The following LUC7L2 variants were observed in gnomAD, a reference collection of about 807,000 sequenced individuals.
LUC7L2 encodes putative RNA-binding protein Luc7-like 2.
In LUC7L2, 25 loss-of-function variants were observed where a neutral mutation model predicts 52.8. The ratio of observed to expected loss-of-function variants is 0.47; its 90% CI spans 0.34 to 0.66. The LOEUF (loss-of-function observed/expected upper bound fraction) is 0.66. LUC7L2 is among the 30% of genes least tolerant of loss of function. The probability of loss-of-function intolerance (pLI) is 0.01; values close to 1 mark genes in which losing one functional copy is unlikely to be tolerated. For missense variants in LUC7L2, 328 were observed against 497.8 expected (o/e 0.66, Z 3.25); for synonymous variants, 144 against 160.9 (o/e 0.89, Z 0.80).
At chr7:139,350,287 A>G (rs1249680618) in intron 1 of LUC7L2, among the ~76,000 whole-genome samples, 1 of 151,868 alleles carries the variant, frequency 6.6e-6, no homozygotes, top group Non-Finnish European at 1.5e-5. Flanking sequence ...ACGCCCGGCT[A>G]ATTTTTTGTA....
intron 9 of LUC7L2, among the ~76,000 whole-genome samples, chr7:139,420,412 G>A (rs1180507969): frequency 6.6e-6 from 1 of 152,150 alleles, no homozygotes; most frequent in Non-Finnish European, 1.5e-5. Context: ...CATGTTGGCC[G>A]GGCTGGTCTC....
At chr7:139,348,722 A>G (rs1354904418) in intron 1 of LUC7L2, among the ~76,000 whole-genome samples, 1 of 152,138 alleles carries the variant, frequency 6.6e-6, no homozygotes, top group African/African-American at 2.4e-5. Context: ...CGTCTCAAAA[A>G]AAAAAAATAT....
intron 2 of LUC7L2, among the ~76,000 whole-genome samples, chr7:139,394,341 AC>A (rs1794572423): frequency 6.6e-6 from 1 of 152,108 alleles, no homozygotes; most frequent in Non-Finnish European, 1.5e-5. Context: ...AGTTAATCTT[AC>A]CCCTCTCATG....
chr7:139,341,272 G>C lies in LUC7L2; in HGVS notation c.-26+755G>C, dbSNP rs1372512215. On this transcript the variant is annotated intron_variant, in intron 1 of 10. Transcript: ENST00000541170. ...TGAGCGGTTCCACTGCTCGTCAGTCGATAGGGGGAGTCGGTAGTCTGTCCG... is the reference window on the plus strand; with the variant it reads ...TGAGCGGTTCCACTGCTCGTCAGTCCATAGGGGGAGTCGGTAGTCTGTCCG... 2.0e-6 allele frequency: 3 copies of C among 1,483,450 alleles called. No homozygotes were observed. In the African/African-American group the frequency reaches 4.2e-5, roughly 21 times the overall value. The allele number at this position is 1,483,450 out of a possible 1,614,324, so 91.9% of individuals were successfully genotyped here. A position where few individuals can be genotyped will look rare whatever the true frequency, so the allele number is the denominator to read the frequency against.
chr7:139,417,807 T>A, intron 9 of LUC7L2, 78 bp downstream of exon 9: 1 of 1,506,040 alleles, frequency 6.6e-7, no homozygotes, highest in South Asian at 1.3e-5. Flanking sequence ...GTTACTTATG[T>A]TTAGAGTTCA....
rs1795954876 is a variant in LUC7L2 at position 139,422,701 on chromosome 7, A to G, written c.*361A>G. The G allele has an allele frequency of 1.2e-5, 5 of 407,446 alleles. No individual in the cohort carries two copies. The East Asian group carries it at 1.8e-4, about 14-fold the overall frequency. 25.2% of individuals were successfully genotyped at this position (407,446 alleles called of 1,614,324 possible). On this transcript the variant is annotated 3_prime_UTR_variant, in exon 10 of 10. Transcript: ENST00000354926. ...AGTCCAAACAGCTGCAGCTTTGGGC[A>G]TTTTTCTTTTTAATTATTCTTCCTC...
rs1158441170 is a variant in LUC7L2, at chr7:139,345,912, A to T, written c.-26+5395A>T. The T allele has an allele frequency of 1.2e-5, 6 of 500,628 alleles. No homozygotes were observed. In the South Asian group the frequency reaches 1.5e-4, roughly 13 times the overall value. 31.0% of individuals were successfully genotyped at this position (500,628 alleles called of 1,614,324 possible). ...CTAGACTGATGTTGTTTTTCTACTT[A>T]AAAAAATTTTTTTATATTTTATTTT... On this transcript the variant is annotated intron_variant, in intron 1 of 10. Coordinates refer to the LUC7L2 transcript ENST00000541170.
At chr7:139,341,569 A>G (rs1198680189) in intron 1 of LUC7L2, 9 of 1,595,308 alleles carry the variant, frequency 5.6e-6, no homozygotes, top group Non-Finnish European at 7.7e-6. Context: ...GGAGGGAGGA[A>G]GAGCCGGGTC....
intron 1 of LUC7L2, among the ~76,000 whole-genome samples, chr7:139,362,039 G>A (rs1324807742): frequency 6.6e-6 from 1 of 151,950 alleles, no homozygotes; most frequent in Non-Finnish European, 1.5e-5. Flanking sequence ...ATTTCTGTGT[G>A]TGTAGTCAGC....
At chr7:139,419,851 T>G (rs1387584758) in intron 9 of LUC7L2, among the ~76,000 whole-genome samples, 1 of 152,260 alleles carries the variant, frequency 6.6e-6, no homozygotes, top group African/African-American at 2.4e-5. Flanking sequence ...CATCTTTGAA[T>G]TCAAATTATT....
At chr7:139,389,743 CTG>C (rs949869600) in intron 2 of LUC7L2, among the ~76,000 whole-genome samples, 25 of 152,262 alleles carry the variant, frequency 1.6e-4, no homozygotes, top group African/African-American at 4.8e-4. Context: ...ATGTGGTGGA[CTG>C]TGTTATCTGA....
Position 139,422,550 on chromosome 7 carries a change from G to A in LUC7L2, c.*210G>A. On this transcript the variant is annotated 3_prime_UTR_variant, in exon 10 of 10. Coordinates refer to ENST00000354926, the MANE Select transcript of LUC7L2 (RefSeq NM_016019.5). ...TAGTTTCTGGTGAACCTGTAATACA[G>A]TTCTGAAAGTACAGTTTTATATAAT... 1 of 1,013,916 alleles carries A rather than the reference G, an allele frequency of 9.9e-7. No individual in the cohort carries two copies. The highest frequency in any genetic ancestry group is 3.8e-5 in the Admixed American group (1 of 26,184). The allele number at this position is 1,013,916 out of a possible 1,614,324, so 62.8% of individuals were successfully genotyped here.
At chr7:139,383,499 C>T (rs1801150654) in intron 2 of LUC7L2, among the ~76,000 whole-genome samples, 4 of 152,060 alleles carry the variant, frequency 2.6e-5, no homozygotes, top group African/African-American at 9.7e-5. Context: ...TCAACCTCTG[C>T]CTCCCGGGCT....
intron 2 of LUC7L2, among the ~76,000 whole-genome samples, chr7:139,381,048 C>T (rs754423985): frequency 6.6e-6 from 1 of 152,048 alleles, no homozygotes; most frequent in Non-Finnish European, 1.5e-5. Flanking sequence ...CTCATCATAG[C>T]GTAACTTTAC....
rs543981255 is a variant in LUC7L2 at position 139,395,504 on chromosome 7, A to G, written c.157-3095A>G. On this transcript the variant is annotated intron_variant, in intron 2 of 9. Transcript: ENST00000354926. The stretch of plus-strand genomic sequence containing the variant: ...GTACAGTACTTTAATACCATTAAGC[A>G]TGATGAGGACTTTTATAACAGTGAT... Among the ~76,000 whole-genome samples, 3 of 152,356 alleles carry G rather than the reference A, an allele frequency of 2.0e-5. No homozygotes were observed. The East Asian group carries it at 5.8e-4, about 29-fold the overall frequency.
chr7:139,394,941 G>A (rs1420329928), intron 2 of LUC7L2, among the ~76,000 whole-genome samples: 4 of 152,180 alleles, frequency 2.6e-5, no homozygotes, highest in Admixed American at 6.5e-5. Context: ...TACCTGGGGG[G>A]CTTTTACAAT....
intron 1 of LUC7L2, chr7:139,345,457 T>C: frequency 1.2e-6 from 2 of 1,611,338 alleles, no homozygotes; most frequent in Admixed American, 1.7e-5. Flanking sequence ...TGTGGACCTG[T>C]ATCTCTAGCT....
intron 3 of LUC7L2, among the ~76,000 whole-genome samples, chr7:139,400,488 CAG>C (rs1440633379): frequency 6.6e-6 from 1 of 152,138 alleles, no homozygotes; most frequent in African/African-American, 2.4e-5. Flanking sequence ...GCTTGGGGGA[CAG>C]AGCGAGACTC....
chr7:139,390,267 TA>T (rs1794389113), intron 2 of LUC7L2, among the ~76,000 whole-genome samples: 1 of 151,890 alleles, frequency 6.6e-6, no homozygotes, highest in Non-Finnish European at 1.5e-5. Context: ...TTTTTATTTT[TA>T]TTTTTTTTGG....
Sources: gnomAD v4.1 joint callset for allele counts (sites outside exome capture counted in the v4.1 genomes callset) on GRCh38, gnomAD v4.1.1 for gene constraint, MANE v1.5 for transcripts, NCBI Gene and HGNC (gene_info 2026-07-23, HGNC 2026-07-21) for gene names.